The following ZSCAN25 variants were observed in gnomAD, a reference collection of about 807,000 sequenced individuals.
ZSCAN25 encodes the protein zinc finger and SCAN domain-containing protein 25.
A neutral mutation model predicts 38.7 loss-of-function variants in ZSCAN25; 27 were observed. That is an observed-to-expected ratio of 0.70 (90% CI 0.51 to 0.96). The LOEUF is 0.96. ZSCAN25 is among the 40% of genes least tolerant of loss of function. The pLI, the probability that ZSCAN25 is intolerant of heterozygous loss-of-function variation, is 0.00. For missense variants in ZSCAN25, 637 were observed against 705.9 expected (o/e 0.90, Z 1.11); for synonymous variants, 273 against 277.7 (o/e 0.98, Z 0.17).
the ZSCAN25 span, chr7:99,695,957 A>G: frequency 3.9e-6 from 3 of 763,832 alleles, no homozygotes; most frequent in Non-Finnish European, 6.4e-6. Context: ...TTAAGGCAAT[A>G]AATGATAACA....
the ZSCAN25 span, chr7:99,652,198 T>C: frequency 6.7e-6 from 1 of 149,218 alleles, no homozygotes; most frequent in Non-Finnish European, 1.5e-5. Context: ...CATATATATG[T>C]ATATTTATAG....
At chr7:99,670,727 A>G in the ZSCAN25 span, among the ~76,000 whole-genome samples, 2 of 152,162 alleles carry the variant, frequency 1.3e-5, no homozygotes, top group Non-Finnish European at 2.9e-5. Context: ...TTTTGGCAGC[A>G]CTTACATTTG....
chr7:99,625,399 A>G (rs1807384521), intron 7 of ZSCAN25, among the ~76,000 whole-genome samples: 1 of 152,158 alleles, frequency 6.6e-6, no homozygotes. Context: ...GAAGAGTTAA[A>G]AATAAAGGCG....
chr7:99,619,725 CTT>C lies in ZSCAN25; in HGVS notation c.122_123del (p.Phe41SerfsTer20). Reference sequence around the variant, plus strand: ...GGAAGGGAGGACCCTAGTCCAGAGACTTTTCGGCTGAGGTTTCGGCAGTTCCG... The same window carrying C: ...GGAAGGGAGGACCCTAGTCCAGAGACTTCGGCTGAGGTTTCGGCAGTTCCG... On this transcript the variant is annotated frameshift_variant, in exon 4 of 8. Transcript: ENST00000394152. LOFTEE classifies it high-confidence loss of function. 1 of 1,614,234 alleles carries C rather than the reference CTT, an allele frequency of 6.2e-7. No individual in the cohort carries two copies. The highest frequency in any genetic ancestry group is 8.5e-7 in the Non-Finnish European group (1 of 1,180,038).
At chr7:99,626,805 A>G (rs1011144762) in intron 7 of ZSCAN25, among the ~76,000 whole-genome samples, 2 of 152,196 alleles carry the variant, frequency 1.3e-5, no homozygotes, top group African/African-American at 4.8e-5. Context: ...TCATGAGTGT[A>G]CAATCCATTT....
At chr7:99,637,246 A>T (rs1327772850), downstream of ZSCAN25, among the ~76,000 whole-genome samples, 1 of 152,188 alleles carries the variant, frequency 6.6e-6, no homozygotes, top group African/African-American at 2.4e-5. Context: ...ACCTGTTAGT[A>T]ATTTTTAAAT....
chr7:99,629,830 G>A lies in ZSCAN25; in HGVS notation c.1445G>A (p.Gly482Asp), dbSNP rs748800371. The A allele has an allele frequency of 6.2e-7, 1 of 1,614,240 alleles. No individual in the cohort carries two copies. ...NLAVHRRAHT[G>D]EKPYGCQVCG... is the part of the protein sequence containing the mutation. ...GCGGTGCACCGGCGTGCCCACACTG[G>A]CGAGAAGCCATATGGGTGCCAGGTG... Residue 482 changes from glycine (G) to aspartate (D), a missense_variant, in exon 8 of 8, where the codon GGC (glycine) becomes GAC (aspartate). By Grantham distance (94) the Gly-to-Asp change is moderately conservative (BLOSUM62 -1). Transcript: ENST00000394152. The surrounding 1 kb of genome is among the most constrained non-coding windows in gnomAD (Gnocchi z 5.6).
At chr7:99,674,446 A>T in the ZSCAN25 span, 1 of 1,018,560 alleles carries the variant, frequency 9.8e-7, no homozygotes, top group Non-Finnish European at 1.5e-6. Flanking sequence ...GCTTCATCCC[A>T]TGAAGACCTG....
chr7:99,685,139 T>C, the ZSCAN25 span: 1 of 1,588,838 alleles, frequency 6.3e-7, no homozygotes, highest in East Asian at 2.2e-5. Flanking sequence ...CTTAGGGAAA[T>C]TCAGGTTCCA....
chr7:99,676,000 A>G, the ZSCAN25 span: 1 of 857,652 alleles, frequency 1.2e-6, no homozygotes, highest in Admixed American at 2.2e-5. Flanking sequence ...CAGTCCCACC[A>G]TTTCTGAAAA....
the ZSCAN25 span, among the ~76,000 whole-genome samples, chr7:99,706,032 G>T: frequency 6.6e-6 from 1 of 152,128 alleles, no homozygotes. Context: ...TTAATTATGT[G>T]GACAGTCTTC....
At chr7:99,732,390 A>AT in the ZSCAN25 span, among the ~76,000 whole-genome samples, 1,399 of 151,690 alleles carry the variant, frequency 9.2e-3, 20 homozygotes, top group African/African-American at 0.032. Flanking sequence ...CCACCCTGAG[A>AT]TTTTTTTTTA....
the ZSCAN25 span, chr7:99,714,688 GAAA>G: frequency 1.0e-5 from 15 of 1,429,488 alleles, no homozygotes; most frequent in Non-Finnish European, 1.2e-5. Flanking sequence ...GACTTCTGTA[GAAA>G]AAAAAAACCA....
the ZSCAN25 span, chr7:99,660,443 G>C: frequency 6.5e-7 from 1 of 1,527,972 alleles, no homozygotes; most frequent in African/African-American, 1.4e-5. Flanking sequence ...GTGGTGAGGA[G>C]GCATTTTTGC....
At chr7:99,709,697 C>G in the ZSCAN25 span, among the ~76,000 whole-genome samples, 1 of 151,976 alleles carries the variant, frequency 6.6e-6, no homozygotes, top group Non-Finnish European at 1.5e-5. Context: ...GGATTATTGG[C>G]CAAACTTCTG....
At chr7:99,715,807 G>C in the ZSCAN25 span, 3 of 1,613,884 alleles carry the variant, frequency 1.9e-6, no homozygotes, top group South Asian at 1.1e-5. Context: ...AAAGCTTCTT[G>C]GTGTTTTCCA....
the ZSCAN25 span, among the ~76,000 whole-genome samples, chr7:99,734,714 C>T: frequency 6.6e-6 from 1 of 151,688 alleles, no homozygotes; most frequent in Non-Finnish European, 1.5e-5. Flanking sequence ...CTCCGCCTCC[C>T]AGGTTCAAGC....
the ZSCAN25 span, among the ~76,000 whole-genome samples, chr7:99,651,517 CAG>C: frequency 6.6e-6 from 1 of 152,062 alleles, no homozygotes; most frequent in Non-Finnish European, 1.5e-5. Flanking sequence ...CTCCAGAAAA[CAG>C]AGAACTTGGT....
At position 99,628,226 on chromosome 7, in the gene ZSCAN25, C is replaced by G. The variant is rs75169623; in HGVS notation, c.806-965C>G. Among the ~76,000 whole-genome samples, 1,480 of 152,226 alleles carry G rather than the reference C, an allele frequency of 9.7e-3. 22 individuals are homozygous for G. Among genetic ancestry groups the G allele is most frequent in the African/African-American group, 0.034 (1,411 of 41,536 alleles). ...CATGAAAAGTTTACAAAACAAAATCCAAGCTGATAAGTATGTATTTCATAT... is the reference window on the plus strand; with the variant it reads ...CATGAAAAGTTTACAAAACAAAATCGAAGCTGATAAGTATGTATTTCATAT... On this transcript the variant is annotated intron_variant, in intron 7 of 7. Coordinates refer to ENST00000394152, the MANE Select transcript of ZSCAN25 (RefSeq NM_145115.3).
Sources: allele counts gnomAD v4.1 joint callset (sites outside exome capture counted in the v4.1 genomes callset), GRCh38; gene constraint gnomAD v4.1.1; non-coding constraint Gnocchi (gnomAD v3.1); transcripts MANE v1.5; gene names NCBI Gene and HGNC (gene_info 2026-07-23, HGNC 2026-07-21).